Variants in SULF1 observed in about 807,000 individuals in gnomAD.
The protein encoded by SULF1 is sulfatase 1.
In SULF1, 46 loss-of-function variants were observed where a neutral mutation model predicts 110.5. That is an observed-to-expected ratio of 0.42 (90% CI 0.33 to 0.53). The LOEUF (loss-of-function observed/expected upper bound fraction) is 0.53, where lower values mean the gene tolerates loss of function less well. Ranked by LOEUF, SULF1 falls within the 20% of genes least tolerant of loss-of-function variation. SULF1 has a pLI of 0.12. For missense variants in SULF1, 941 were observed against 1,094.2 expected, an observed-to-expected ratio of 0.86 and a Z score of 1.98; for synonymous variants, 371 against 387.1, an observed-to-expected ratio of 0.96 and a Z score of 0.49.
Position 69,576,080 on chromosome 8 carries a change from C to T in SULF1, c.283C>T (p.Leu95Phe). Residue 95 changes from leucine (L) to phenylalanine (F), a missense_variant, in exon 6 of 23, where the codon CTC becomes TTC. Leu to Phe is a conservative substitution (Grantham distance 22). Coordinates refer to ENST00000402687, the MANE Select transcript of SULF1 (RefSeq NM_001128205.2). ...GTGCTGCCCGTCACGGTCCTCCATG[C>T]TCACCGGGAAGTATGTGCACAATCA... ...PMCCPSRSSM[L>F]TGKYVHNHNV... The T allele has an allele frequency of 6.2e-7, 1 of 1,614,242 alleles. No homozygotes were observed. Among genetic ancestry groups the T allele is most frequent in the Non-Finnish European group, 8.5e-7 (1 of 1,180,038 alleles).
chr8:69,576,226 C>T lies in SULF1; in HGVS notation c.412+17C>T. The T allele has an allele frequency of 6.2e-7, 1 of 1,610,150 alleles. No individual in the cohort carries two copies. The highest frequency in any genetic ancestry group is 8.5e-7 in the Non-Finnish European group (1 of 1,177,502). ...ACAGAACAGGTAAGGGATGACGTTT[C>T]TAGCCCATGAACGTCTTGTAATATG... On this transcript the variant is annotated intron_variant, in intron 6 of 22. Coordinates refer to ENST00000402687, the MANE Select transcript of SULF1 (RefSeq NM_001128205.2).
At chr8:69,589,436 G>C (rs1280760218) in intron 8 of SULF1, among the ~76,000 whole-genome samples, 1 of 152,190 alleles carries the variant, frequency 6.6e-6, no homozygotes, top group African/African-American at 2.4e-5. Flanking sequence ...GTTTCCTTTC[G>C]TTGTCTTAAA....
intron 19 of SULF1, among the ~76,000 whole-genome samples, chr8:69,636,405 C>T (rs180815107): frequency 0.034 from 5,138 of 151,942 alleles, 280 homozygotes; most frequent in African/African-American, 0.12. Context: ...GGGGTGGTGG[C>T]GGGCGCCTGT....
At chr8:69,633,240 C>A (rs1810721636) in intron 19 of SULF1, among the ~76,000 whole-genome samples, 1 of 150,660 alleles carries the variant, frequency 6.6e-6, no homozygotes, top group African/African-American at 2.4e-5. Context: ...GATGTGTGAT[C>A]TTAATTGCTT....
intron 22 of SULF1, among the ~76,000 whole-genome samples, chr8:69,655,951 C>G (rs1399150695): frequency 1.3e-5 from 2 of 152,194 alleles, no homozygotes; most frequent in South Asian, 4.1e-4. Context: ...TGTGCACCCT[C>G]TATATTTTTG....
intron 3 of SULF1, among the ~76,000 whole-genome samples, chr8:69,555,024 A>T (rs545335814): frequency 2.8e-4 from 42 of 150,238 alleles, no homozygotes; most frequent in African/African-American, 1.0e-3. Flanking sequence ...TCATACATAA[A>T]CTGATCTGCA....
rs937217866 is a variant in SULF1 at position 69,660,636 on chromosome 8, T to A, written c.*2101T>A. 1.3e-5 allele frequency: 2 copies of A among 152,672 alleles called. No homozygotes were observed. The highest frequency in any genetic ancestry group is 4.8e-5 in the African/African-American group (2 of 41,462). 9.5% of individuals were successfully genotyped at this position (152,672 alleles called of 1,614,324 possible). ...CTCTTTTAAAGAAAATTTAATATGT[T>A]ATAGCTGAATCTTTTTGGTAACTTT... On this transcript the variant is annotated 3_prime_UTR_variant, in exon 23 of 23. Transcript: ENST00000402687.
intron 15 of SULF1, 101 bp from the exon 16 acceptor site, chr8:69,627,109 A>C: frequency 1.2e-6 from 1 of 863,076 alleles, no homozygotes; most frequent in Non-Finnish European, 1.9e-6. Context: ...GCATGTATCA[A>C]CATTAAGGAT....
At chr8:69,523,161 T>C (rs4737980) in intron 3 of SULF1, among the ~76,000 whole-genome samples, 122,861 of 152,110 alleles carry the variant, frequency 0.81, 49,714 homozygotes, top group East Asian at 0.89. Flanking sequence ...ATCTGGCCCA[T>C]GGGTAGAAGA....
intron 1 of SULF1, among the ~76,000 whole-genome samples, chr8:69,484,278 CCTT>C (rs1024506732): frequency 1.3e-5 from 2 of 152,176 alleles, no homozygotes; most frequent in Non-Finnish European, 2.9e-5. Flanking sequence ...AATAGACCCT[CCTT>C]CTTATTTGCA....
intron 3 of SULF1, among the ~76,000 whole-genome samples, chr8:69,556,510 G>T (rs556494399): frequency 1.3e-5 from 2 of 152,162 alleles, no homozygotes. Flanking sequence ...TGCAGTATGA[G>T]TGACAAATAT....
chr8:69,503,819 C>T (rs773469990), intron 3 of SULF1, among the ~76,000 whole-genome samples: 18 of 151,326 alleles, frequency 1.2e-4, no homozygotes, highest in Non-Finnish European at 1.5e-4. Context: ...CTTTTCAAAA[C>T]GAACAGAGTC....
chr8:69,558,069 G>A lies in SULF1; in HGVS notation c.-133-5470G>A, dbSNP rs140802185. Among the ~76,000 whole-genome samples the A allele has an allele frequency of 8.0e-4, 122 of 152,276 alleles. 1 individual carries two copies. Among genetic ancestry groups the A allele is most frequent in the African/African-American group, 2.8e-3 (118 of 41,556 alleles). On this transcript the variant is annotated intron_variant, in intron 3 of 22. Coordinates refer to ENST00000402687, the MANE Select transcript of SULF1 (RefSeq NM_001128205.2). ...GTGGGGTTGTTAAAAGAAGAAATTA[G>A]CTTTTTCGTGGATTCATGTATCTTA... is the stretch of plus-strand genomic sequence containing the variant.
At chr8:69,616,864 A>C (rs368346788) in intron 13 of SULF1, among the ~76,000 whole-genome samples, 1 of 152,136 alleles carries the variant, frequency 6.6e-6, no homozygotes, top group South Asian at 2.1e-4. Flanking sequence ...CAAGAATAAA[A>C]TTAGCCATAT....
intron 13 of SULF1, 78 bp from the exon 14 acceptor site, chr8:69,620,957 A>G (rs915333341): frequency 5.4e-5 from 71 of 1,302,932 alleles, no homozygotes; most frequent in South Asian, 3.7e-4. Flanking sequence ...AGAAAAAAGA[A>G]AAAAACTAAG....
intron 3 of SULF1, among the ~76,000 whole-genome samples, chr8:69,509,857 A>G (rs79811092): frequency 0.012 from 1,773 of 152,308 alleles, 36 homozygotes; most frequent in African/African-American, 0.041. Context: ...CTCCTGGGTA[A>G]AAGGAGAGGA....
intron 6 of SULF1, among the ~76,000 whole-genome samples, chr8:69,578,488 T>A (rs4101020): frequency 5.1e-5 from 7 of 138,282 alleles, no homozygotes; most frequent in Non-Finnish European, 1.1e-4. Context: ...TATCTCCTAA[T>A]GCTATCCCTC....
chr8:69,498,505 C>G (rs1310062588), intron 2 of SULF1, among the ~76,000 whole-genome samples: 1 of 152,178 alleles, frequency 6.6e-6, no homozygotes, highest in African/African-American at 2.4e-5. Context: ...AAGCCCAAGA[C>G]ACAACCCTCA....
chr8:69,620,822 C>T (rs551491327), intron 13 of SULF1, among the ~76,000 whole-genome samples: 5 of 152,198 alleles, frequency 3.3e-5, no homozygotes, highest in East Asian at 1.9e-4. Context: ...CCAATGATTT[C>T]GTTGTCATCT....
Sources: allele counts gnomAD v4.1 joint callset (sites outside exome capture counted in the v4.1 genomes callset), GRCh38; gene constraint gnomAD v4.1.1; transcripts MANE v1.5; gene names NCBI Gene and HGNC (gene_info 2026-07-23, HGNC 2026-07-21).